The following ALMS1 variants were observed in gnomAD, a reference collection of about 807,000 sequenced individuals.
ALMS1 encodes centrosome-associated protein ALMS1.
In ALMS1, 271 loss-of-function variants were observed where a neutral mutation model predicts 352.2. The observed-to-expected ratio is 0.77, with a 90% confidence interval of 0.70 to 0.85. ALMS1 has a LOEUF of 0.85. ALMS1 is among the 40% of genes least tolerant of loss of function. ALMS1 has a pLI of 0.00. For synonymous variants in ALMS1, 1,865 were observed against 1,761.2 expected, an observed-to-expected ratio of 1.06 and a Z score of -1.48; for missense variants, 5,445 against 4,870.7, an observed-to-expected ratio of 1.12 and a Z score of -3.51.
At chr2:73,393,798 C>T (rs1397022589) in intron 1 of ALMS1, among the ~76,000 whole-genome samples, 2 of 151,934 alleles carry the variant, frequency 1.3e-5, no homozygotes, top group East Asian at 3.9e-4. Context: ...TCTATATGCC[C>T]ACCTTATTCC....
chr2:73,469,670 C>T (rs1372547267), intron 9 of ALMS1: 2 of 151,622 alleles, frequency 1.3e-5, no homozygotes, highest in Non-Finnish European at 2.9e-5. Context: ...GAAGTATTTC[C>T]TGGGCATGAT....
intron 10 of ALMS1, among the ~76,000 whole-genome samples, chr2:73,513,066 C>T (rs1470311806): frequency 6.6e-6 from 1 of 152,030 alleles, no homozygotes; most frequent in Admixed American, 6.6e-5. Context: ...ACCTCACTTC[C>T]AGTGTGCTTT....
At chr2:73,598,703 G>A (rs1364867214) in intron 16 of ALMS1, among the ~76,000 whole-genome samples, 1 of 152,096 alleles carries the variant, frequency 6.6e-6, no homozygotes, top group African/African-American at 2.4e-5. Flanking sequence ...TTCTGGGTTA[G>A]CCTCCCTCTG....
chr2:73,608,011 C>T (rs535321565), intron 21 of ALMS1, among the ~76,000 whole-genome samples: 1 of 152,086 alleles, frequency 6.6e-6, no homozygotes, highest in Admixed American at 6.5e-5. Flanking sequence ...CTCTCTGGAG[C>T]CTTTCCGAAC....
At chr2:73,535,355 T>G (rs1396372088) in intron 12 of ALMS1, among the ~76,000 whole-genome samples, 1 of 152,210 alleles carries the variant, frequency 6.6e-6, no homozygotes, top group Admixed American at 6.5e-5. Flanking sequence ...TTTAACAAAT[T>G]TGTTATTTAT....
intron 16 of ALMS1, among the ~76,000 whole-genome samples, chr2:73,574,206 T>C (rs1427686673): frequency 2.6e-5 from 4 of 152,106 alleles, no homozygotes; most frequent in Non-Finnish European, 5.9e-5. Context: ...CAACAAAGAG[T>C]ATCCTCCTAT....
intron 1 of ALMS1, among the ~76,000 whole-genome samples, chr2:73,388,284 A>G (rs1670578275): frequency 6.6e-6 from 1 of 152,194 alleles, no homozygotes; most frequent in Non-Finnish European, 1.5e-5. Flanking sequence ...ATTTTAATTT[A>G]ATTTTAGATT....
At chr2:73,509,055 T>G (rs926015626) in intron 10 of ALMS1, among the ~76,000 whole-genome samples, 10 of 152,186 alleles carry the variant, frequency 6.6e-5, no homozygotes, top group African/African-American at 2.2e-4. Flanking sequence ...CCTGTTTTTT[T>G]TTGTTGTTTT....
chr2:73,598,843 C>T (rs1675608523), intron 16 of ALMS1, among the ~76,000 whole-genome samples: 1 of 152,122 alleles, frequency 6.6e-6, no homozygotes, highest in South Asian at 2.1e-4. Context: ...AGCTGCAATC[C>T]CTGAAATTGC....
At chr2:73,555,047 G>A (rs1488312597) in intron 13 of ALMS1, among the ~76,000 whole-genome samples, 1 of 152,110 alleles carries the variant, frequency 6.6e-6, no homozygotes, top group East Asian at 1.9e-4. Context: ...TTACACAATT[G>A]TAATAATAAA....
chr2:73,609,678 C>A lies in ALMS1; in HGVS notation c.*66C>A. On this transcript the variant is annotated 3_prime_UTR_variant, in exon 23 of 23. Transcript: ENST00000613296. ...TGAACCTAGAGAAGCAGAATCCTTA[C>A]TTTTGTGAGTCTGGTTGAATAAAGC... is the stretch of plus-strand genomic sequence containing the variant. 1 of 1,459,810 alleles carries A rather than the reference C, an allele frequency of 6.9e-7. No individual in the cohort carries two copies. The highest frequency in any genetic ancestry group is 9.6e-7 in the Non-Finnish European group (1 of 1,039,604). 90.4% of individuals were successfully genotyped at this position (1,459,810 alleles called of 1,614,324 possible).
chr2:73,472,642 C>T (rs576455563), intron 9 of ALMS1, among the ~76,000 whole-genome samples: 3 of 152,108 alleles, frequency 2.0e-5, no homozygotes, highest in African/African-American at 7.2e-5. Flanking sequence ...TGTAGCGCTG[C>T]AGAAACAGAA....
chr2:73,454,264 A>G, intron 8 of ALMS1, 197 bp downstream of exon 8: 1 of 968,304 alleles, frequency 1.0e-6, no homozygotes. Flanking sequence ...AACAATCCAT[A>G]AAAAGCCTAT....
At chr2:73,409,680 C>T (rs1671038494) in intron 2 of ALMS1, among the ~76,000 whole-genome samples, 1 of 151,962 alleles carries the variant, frequency 6.6e-6, no homozygotes, top group South Asian at 2.1e-4. Context: ...TCAGGGTTCT[C>T]CAGAGAAACA....
intron 10 of ALMS1, among the ~76,000 whole-genome samples, chr2:73,514,490 T>C (rs555057792): frequency 2.0e-5 from 3 of 152,198 alleles, no homozygotes; most frequent in Non-Finnish European, 2.9e-5. Context: ...ATTTCTGTTC[T>C]ACATGTTCTG....
Position 73,448,836 on chromosome 2 carries a change from C to T in ALMS1, c.2309C>T (p.Pro770Leu), listed in dbSNP as rs187132771. The stretch of plus-strand genomic sequence containing the variant: ...AGTTCTTACTCACAAAGAGAAAAGC[C>T]TAGTATTTTGTACCCACAGGACTTA... ...QSSSYSQREK[P>L]SILYPQDLAD... Residue 770 changes from proline to leucine, a missense_variant, in exon 8 of 23, where the codon CCT becomes CTT. Pro to Leu is a moderately conservative substitution (Grantham distance 98). Transcript: ENST00000613296. 3.0e-5 allele frequency: 48 copies of T among 1,613,832 alleles called. No homozygotes were observed. In the African/African-American group the frequency reaches 5.7e-4, roughly 19 times the overall value.
chr2:73,504,244 T>C (rs1673274537), intron 10 of ALMS1, among the ~76,000 whole-genome samples: 1 of 152,286 alleles, frequency 6.6e-6, no homozygotes, highest in Middle Eastern at 3.4e-3. Context: ...GCTAATCAGA[T>C]TTCACAAGTT....
At chr2:73,477,361 A>G (rs1672604536) in intron 9 of ALMS1, among the ~76,000 whole-genome samples, 1 of 152,094 alleles carries the variant, frequency 6.6e-6, no homozygotes, top group Admixed American at 6.6e-5. Flanking sequence ...TCCTTATGCC[A>G]GCACTGTGCT....
At chr2:73,605,987 T>C (rs1675809067) in intron 21 of ALMS1, among the ~76,000 whole-genome samples, 1 of 152,210 alleles carries the variant, frequency 6.6e-6, no homozygotes, top group Non-Finnish European at 1.5e-5. Flanking sequence ...AAGCTGGATT[T>C]TTTAATGTAT....
Sources: allele counts gnomAD v4.1 joint callset (sites outside exome capture counted in the v4.1 genomes callset), GRCh38; gene constraint gnomAD v4.1.1; transcripts MANE v1.5; gene names NCBI Gene and HGNC (gene_info 2026-07-23, HGNC 2026-07-21).